Variants in RASGEF1A observed in about 807,000 individuals in gnomAD.
RASGEF1A encodes ras-GEF domain-containing family member 1A.
In RASGEF1A, 18 loss-of-function variants were observed where a neutral mutation model predicts 56.4. The observed-to-expected ratio is 0.32, with a 90% confidence interval of 0.22 to 0.47. The LOEUF is 0.47. RASGEF1A is among the 20% of genes least tolerant of loss of function. The probability of loss-of-function intolerance (pLI) is 1.00; values close to 1 mark genes in which losing one functional copy is unlikely to be tolerated. For synonymous variants in RASGEF1A, 245 were observed against 242.6 expected (o/e 1.01, Z -0.09); for missense variants, 422 against 627.1 (o/e 0.67, Z 3.49).
At chr10:43,214,828 T>C (rs965196696) in intron 1 of RASGEF1A, among the ~76,000 whole-genome samples, 17 of 151,992 alleles carry the variant, frequency 1.1e-4, no homozygotes, top group African/African-American at 4.1e-4. Flanking sequence ...GTGAGCTGTG[T>C]GCTGGCCATT....
intron 1 of RASGEF1A, among the ~76,000 whole-genome samples, chr10:43,243,184 C>CCG (rs1840525215): frequency 6.7e-6 from 1 of 148,960 alleles, no homozygotes. Flanking sequence ...TGCCTGGCCG[C>CCG]CCCCGTCTGG....
At chr10:43,251,215 G>A (rs79072291) in intron 1 of RASGEF1A, among the ~76,000 whole-genome samples, 8,302 of 152,264 alleles carry the variant, frequency 0.055, 278 homozygotes, top group South Asian at 0.15. Flanking sequence ...CCTTCCTGCC[G>A]CAGTCCCAGC....
At chr10:43,251,712 C>T (rs1263025084) in intron 1 of RASGEF1A, among the ~76,000 whole-genome samples, 2 of 152,152 alleles carry the variant, frequency 1.3e-5, no homozygotes. Flanking sequence ...CTCACCCTGT[C>T]CAGACGGTTG....
In RASGEF1A at chr10:43,199,533, G is replaced by A. The variant is rs936802657; in HGVS notation, c.849+143C>T. 2.4e-5 allele frequency: 17 copies of A among 694,488 alleles called. 1 individual carries two copies. The highest frequency in any genetic ancestry group is 1.2e-4 in the South Asian group (7 of 59,252). The allele number at this position is 694,488 out of a possible 1,614,324, so 43.0% of individuals were successfully genotyped here. A position where few individuals can be genotyped will look rare whatever the true frequency, so the allele number is the denominator to read the frequency against. On this transcript the variant is annotated intron_variant, in intron 7 of 12. Coordinates refer to ENST00000395810, the MANE Select transcript of RASGEF1A (RefSeq NM_145313.4). The stretch of plus-strand genomic sequence containing the variant: ...AGGAATCGCTGTATGTCGGGGTTGG[G>A]GGACCACCAAGGCCCTGACAATGCA...
chr10:43,260,787 G>A (rs1188425041), intron 1 of RASGEF1A, among the ~76,000 whole-genome samples: 6 of 152,176 alleles, frequency 3.9e-5, no homozygotes, highest in East Asian at 1.9e-4. Context: ...GATCCACAGC[G>A]CTCAGCATTC....
chr10:43,261,645 C>A (rs889479272), intron 1 of RASGEF1A, among the ~76,000 whole-genome samples: 1 of 152,214 alleles, frequency 6.6e-6, no homozygotes, highest in African/African-American at 2.4e-5. Flanking sequence ...GTCCACTCAC[C>A]CTGCCTCCAG....
At chr10:43,259,284 C>T (rs897716520) in intron 1 of RASGEF1A, among the ~76,000 whole-genome samples, 4 of 152,188 alleles carry the variant, frequency 2.6e-5, no homozygotes, top group Non-Finnish European at 4.4e-5. Flanking sequence ...GCAAGCACAG[C>T]GGGTAGCCTC....
Position 43,199,076 on chromosome 10 carries a change from G to T in RASGEF1A, c.952+16C>A, listed in dbSNP as rs199993832. 2,502 of 1,613,146 alleles carry T rather than the reference G, an allele frequency of 1.6e-3. 7 individuals are homozygous for T. Among genetic ancestry groups the T allele is most frequent in the Non-Finnish European group, 1.5e-3 (1,818 of 1,179,528 alleles). ...GGGCCATGCAGCAGCCCCACCCTGG[G>T]TGCCCAGTCACTCACAGATGATGGC... On this transcript the variant is annotated intron_variant, in intron 8 of 12. Coordinates refer to ENST00000395810, the MANE Select transcript of RASGEF1A (RefSeq NM_145313.4).
intron 1 of RASGEF1A, among the ~76,000 whole-genome samples, chr10:43,215,981 C>T (rs916131066): frequency 6.6e-6 from 1 of 152,200 alleles, no homozygotes; most frequent in African/African-American, 2.4e-5. Context: ...GAAGCGCTGG[C>T]GCCAAAGCCT....
chr10:43,216,831 G>A (rs1265506885), intron 1 of RASGEF1A, among the ~76,000 whole-genome samples: 1 of 152,148 alleles, frequency 6.6e-6, no homozygotes, highest in East Asian at 1.9e-4. Context: ...AGGAGGTTAG[G>A]GGCCTCCTCC....
intron 1 of RASGEF1A, chr10:43,206,579 G>A: frequency 1.0e-6 from 1 of 999,868 alleles, no homozygotes; most frequent in Non-Finnish European, 1.2e-6. Context: ...TGTGCAGCGG[G>A]GAGCTGGGAG....
chr10:43,214,824 T>C (rs1175998462), intron 1 of RASGEF1A, among the ~76,000 whole-genome samples: 1 of 152,220 alleles, frequency 6.6e-6, no homozygotes, highest in Non-Finnish European at 1.5e-5. Context: ...TAGAGTGAGC[T>C]GTGTGCTGGC....
At chr10:43,233,417 C>A (rs763521913) in intron 1 of RASGEF1A, among the ~76,000 whole-genome samples, 1 of 152,102 alleles carries the variant, frequency 6.6e-6, no homozygotes, top group Non-Finnish European at 1.5e-5. Flanking sequence ...ATAAAGAACT[C>A]ATGTAAATAA....
chr10:43,204,520 AG>A (rs1238576759), intron 2 of RASGEF1A, among the ~76,000 whole-genome samples: 1 of 152,218 alleles, frequency 6.6e-6, no homozygotes, highest in Non-Finnish European at 1.5e-5. Flanking sequence ...TAAGACGTGG[AG>A]GAAAGGCCCA....
intron 1 of RASGEF1A, among the ~76,000 whole-genome samples, chr10:43,216,583 C>T (rs1840140036): frequency 6.6e-6 from 1 of 152,142 alleles, no homozygotes; most frequent in Non-Finnish European, 1.5e-5. Context: ...AGGATTTTGC[C>T]CCCCTCCTGG....
At chr10:43,253,432 T>C (rs2133226393) in intron 1 of RASGEF1A, among the ~76,000 whole-genome samples, 1 of 152,332 alleles carries the variant, frequency 6.6e-6, no homozygotes, top group East Asian at 1.9e-4. Context: ...AGGGACTCTG[T>C]AGGTGTAATT....
rs865863913 is a variant in RASGEF1A, at chr10:43,230,007, G to A, written c.-6-23885C>T. On this transcript the variant is annotated intron_variant, in intron 1 of 12. Coordinates refer to ENST00000395810, the MANE Select transcript of RASGEF1A (RefSeq NM_145313.4). ...AGGTGTGGGGGCGCCGTAGGTGCCG[G>A]GGTGTGAGGCTGGACGGGGCGTCCG... 4.2e-4 allele frequency among the ~76,000 whole-genome samples: 64 copies of A among 152,122 alleles called. 1 individual carries two copies. In the Middle Eastern group the frequency reaches 0.017, roughly 41 times the overall value.
chr10:43,232,262 G>A (rs1408491212), intron 1 of RASGEF1A, among the ~76,000 whole-genome samples: 1 of 152,228 alleles, frequency 6.6e-6, no homozygotes, highest in Non-Finnish European at 1.5e-5. Flanking sequence ...CTGTTAGTGA[G>A]TGAGTGAGTT....
chr10:43,201,098 G>C (rs1212808740), intron 4 of RASGEF1A, among the ~76,000 whole-genome samples: 1 of 152,234 alleles, frequency 6.6e-6, no homozygotes, highest in Non-Finnish European at 1.5e-5. Context: ...TCAGTGGGCT[G>C]TCCTGCTGCA....
Sources: gnomAD v4.1 joint callset for allele counts (sites outside exome capture counted in the v4.1 genomes callset) on GRCh38, gnomAD v4.1.1 for gene constraint, MANE v1.5 for transcripts, NCBI Gene and HGNC (gene_info 2026-07-23, HGNC 2026-07-21) for gene names.